RAB3IP: variants seen among roughly 807,000 people sequenced by gnomAD.
RAB3IP encodes rab-3A-interacting protein.
A neutral mutation model predicts 59.1 loss-of-function variants in RAB3IP; 36 were observed. The ratio of observed to expected loss-of-function variants is 0.61; its 90% CI spans 0.47 to 0.80. RAB3IP has a LOEUF of 0.80. RAB3IP is among the 30% of genes least tolerant of loss of function. The pLI is 0.00. For synonymous variants in RAB3IP, 207 were observed against 191.2 expected (o/e 1.08, Z -0.68); for missense variants, 511 against 536.0 (o/e 0.95, Z 0.46).
intron 1 of RAB3IP, among the ~76,000 whole-genome samples, chr12:69,751,999 T>A (rs1191371376): frequency 1.3e-5 from 2 of 151,020 alleles, no homozygotes; most frequent in African/African-American, 4.8e-5. Context: ...TTTTTTTCTT[T>A]TGTTCTTTTT....
intron 1 of RAB3IP, among the ~76,000 whole-genome samples, chr12:69,747,407 C>T (rs1299605602): frequency 1.3e-5 from 2 of 151,504 alleles, no homozygotes; most frequent in Admixed American, 1.3e-4. Flanking sequence ...TTCGCTATAG[C>T]CTCAACCTTC....
chr12:69,814,946 C>T (rs1415410544), intron 10 of RAB3IP, among the ~76,000 whole-genome samples: 1 of 151,850 alleles, frequency 6.6e-6, no homozygotes, highest in Non-Finnish European at 1.5e-5. Context: ...CTTTTTTTGC[C>T]CTTCACCCTC....
intron 3 of RAB3IP, among the ~76,000 whole-genome samples, chr12:69,757,409 C>T (rs905196056): frequency 2.6e-5 from 4 of 152,002 alleles, no homozygotes; most frequent in Non-Finnish European, 4.4e-5. Flanking sequence ...AATGTTGGTT[C>T]TTTAAGAAGA....
chr12:69,790,291 A>G (rs73332081), intron 4 of RAB3IP, among the ~76,000 whole-genome samples: 6,342 of 152,300 alleles, frequency 0.042, 134 homozygotes, highest in Non-Finnish European at 0.048. Flanking sequence ...TAAGAGAACA[A>G]TCTCATGATT....
intron 3 of RAB3IP, among the ~76,000 whole-genome samples, chr12:69,763,847 A>G (rs1001751167): frequency 6.6e-6 from 1 of 152,188 alleles, no homozygotes; most frequent in African/African-American, 2.4e-5. Flanking sequence ...TATAAGTGAA[A>G]AAAATGCAAT....
Position 69,755,751 on chromosome 12 carries a change from T to G in RAB3IP, c.251+92T>G, listed in dbSNP as rs892614267. The G allele has an allele frequency of 6.5e-6, 7 of 1,078,598 alleles. No individual in the cohort carries two copies. In the African/African-American group the frequency reaches 9.6e-5, roughly 15 times the overall value. 66.8% of individuals were successfully genotyped at this position (1,078,598 alleles called of 1,614,324 possible). On this transcript the variant is annotated intron_variant, in intron 2 of 10. Transcript: ENST00000247833. ...TTAAGTTTTACTATTTTTAGAAAAT[T>G]TGAATAACTTAAGTGTGCCTAGGTA...
At chr12:69,785,349 A>G (rs1050754243) in intron 4 of RAB3IP, among the ~76,000 whole-genome samples, 7 of 152,204 alleles carry the variant, frequency 4.6e-5, no homozygotes, top group African/African-American at 1.7e-4. Context: ...TTCTCCAGAA[A>G]AACAGAGCCT....
intron 8 of RAB3IP, among the ~76,000 whole-genome samples, chr12:69,810,969 A>G (rs1880356168): frequency 1.3e-5 from 2 of 152,216 alleles, no homozygotes; most frequent in Non-Finnish European, 2.9e-5. Context: ...AACTAAAAAT[A>G]CATTAGGTGT....
chr12:69,792,359 T>C (rs765424583), intron 4 of RAB3IP, among the ~76,000 whole-genome samples: 2 of 152,198 alleles, frequency 1.3e-5, no homozygotes, highest in African/African-American at 2.4e-5. Flanking sequence ...CAAAATGATA[T>C]GTATATTTCA....
intron 8 of RAB3IP, chr12:69,812,184 A>C (rs1880557063): frequency 6.6e-6 from 1 of 152,290 alleles, no homozygotes; most frequent in Non-Finnish European, 1.5e-5. Context: ...CCTCATATAA[A>C]ATTTTAGCTT....
chr12:69,742,721 AG>A (rs2136094081), intron 1 of RAB3IP, among the ~76,000 whole-genome samples: 1 of 152,342 alleles, frequency 6.6e-6, no homozygotes, highest in South Asian at 2.1e-4. Flanking sequence ...GAAGGGACAA[AG>A]GAAGGAAGAG....
Position 69,795,365 on chromosome 12 carries a change from C to G in RAB3IP, c.888+21C>G, listed in dbSNP as rs765171757. ...AAGAGGTAACTCATCAAGGACTGTC[C>G]CCTCTGACTCTGTTGATACTTGTTA... is the stretch of plus-strand genomic sequence containing the variant. On this transcript the variant is annotated intron_variant, in intron 6 of 10. Coordinates refer to ENST00000247833, the MANE Select transcript of RAB3IP (RefSeq NM_022456.5). The G allele has an allele frequency of 2.5e-6, 4 of 1,578,416 alleles. 1 individual carries two copies. The highest frequency in any genetic ancestry group is 2.2e-5 in the South Asian group (2 of 89,890).
In RAB3IP at chr12:69,786,026, T is replaced by C. The variant is rs141776494; in HGVS notation, c.606+1211T>C. On this transcript the variant is annotated intron_variant, in intron 4 of 10. Transcript: ENST00000247833. Reference sequence around the variant, plus strand: ...CCATTATCATTTAACGATATATATATGTTTTTTTCCTAAAGATTTGTTCTT... The same window carrying C: ...CCATTATCATTTAACGATATATATACGTTTTTTTCCTAAAGATTTGTTCTT... Among the ~76,000 whole-genome samples, 15 of 152,290 alleles carry C rather than the reference T, an allele frequency of 9.8e-5. No homozygotes were observed. The East Asian group carries it at 2.9e-3, about 29-fold the overall frequency.
At chr12:69,770,511 A>C (rs1175713578) in intron 3 of RAB3IP, among the ~76,000 whole-genome samples, 1 of 152,164 alleles carries the variant, frequency 6.6e-6, no homozygotes, top group African/African-American at 2.4e-5. Flanking sequence ...GGTTTGGTGA[A>C]TATGCAGATG....
rs1470394938 is a variant in RAB3IP, at chr12:69,817,078, CT to C, written c.*1636del. 6.6e-6 allele frequency: 1 copy of C among 152,142 alleles called. No individual in the cohort carries two copies. Among genetic ancestry groups the C allele is most frequent in the Non-Finnish European group, 1.5e-5 (1 of 68,032 alleles). The allele number at this position is 152,142 out of a possible 1,614,324, so 9.4% of individuals were successfully genotyped here. ...AGATTTTCCGTACAAACTAAAATCA[CT>C]TTTGGAGAAAGTACCTAAATAAAAA... On this transcript the variant is annotated 3_prime_UTR_variant, in exon 11 of 11. Transcript: ENST00000247833.
At chr12:69,793,053 A>G (rs145369924) in intron 4 of RAB3IP, among the ~76,000 whole-genome samples, 280 of 151,902 alleles carry the variant, frequency 1.8e-3, no homozygotes, top group Admixed American at 3.1e-3. Flanking sequence ...AAACATTGCC[A>G]GATAGTTTTG....
chr12:69,775,883 T>C (rs1159227325), intron 3 of RAB3IP, among the ~76,000 whole-genome samples: 1 of 116,616 alleles, frequency 8.6e-6, no homozygotes, highest in Non-Finnish European at 1.8e-5. Flanking sequence ...TCTTTTTTGA[T>C]TGTGTCTCTG....
chr12:69,784,829 C>T lies in RAB3IP; in HGVS notation c.606+14C>T, dbSNP rs765868587. On this transcript the variant is annotated intron_variant, in intron 4 of 10. Transcript: ENST00000247833. The stretch of plus-strand genomic sequence containing the variant: ...AGTCTATTTGAGGTTGGTCTATTTA[C>T]ATCTTGGCCAACAGCAACATCTTGA... 2.4e-5 allele frequency: 35 copies of T among 1,480,850 alleles called. No individual in the cohort carries two copies. The highest frequency in any genetic ancestry group is 4.2e-5 in the African/African-American group (3 of 71,954). The allele number at this position is 1,480,850 out of a possible 1,614,324, so 91.7% of individuals were successfully genotyped here. A position where few individuals can be genotyped will look rare whatever the true frequency, so the allele number is the denominator to read the frequency against.
intron 7 of RAB3IP, among the ~76,000 whole-genome samples, chr12:69,800,730 A>G (rs1199406088): frequency 1.3e-5 from 2 of 152,208 alleles, no homozygotes; most frequent in Non-Finnish European, 2.9e-5. Flanking sequence ...TAAAACAGGA[A>G]AAGTAATGCC....
Sources: gnomAD v4.1 joint callset for allele counts (sites outside exome capture counted in the v4.1 genomes callset) on GRCh38, gnomAD v4.1.1 for gene constraint, MANE v1.5 for transcripts, NCBI Gene and HGNC (gene_info 2026-07-23, HGNC 2026-07-21) for gene names.